HTR1F: variants seen among roughly 807,000 people sequenced by gnomAD.
HTR1F encodes 5-hydroxytryptamine receptor 1F, also known as 5-hydroxytryptamine (serotonin) receptor 1F, G protein-coupled.
In HTR1F, 17 loss-of-function variants were observed where a neutral mutation model predicts 24.0. The ratio of observed to expected loss-of-function variants is 0.71; its 90% CI spans 0.48 to 1.06. The LOEUF (loss-of-function observed/expected upper bound fraction) is 1.06, where lower values mean the gene tolerates loss of function less well. Ranked by LOEUF, HTR1F falls within the 50% of genes least tolerant of loss-of-function variation. HTR1F has a pLI of 0.00. For missense variants in HTR1F, 391 were observed against 427.8 expected, an observed-to-expected ratio of 0.91 and a Z score of 0.76; for synonymous variants, 186 against 156.8, an observed-to-expected ratio of 1.19 and a Z score of -1.39.
chr3:87,928,200 C>T (rs1454639780), intron 2 of HTR1F, among the ~76,000 whole-genome samples: 3 of 152,100 alleles, frequency 2.0e-5, no homozygotes, highest in Admixed American at 2.0e-4. Context: ...CATGCACCAC[C>T]ACACCTGGCT....
chr3:87,866,640 C>T (rs1244339371), intron 2 of HTR1F, among the ~76,000 whole-genome samples: 6 of 152,014 alleles, frequency 3.9e-5, no homozygotes, highest in Non-Finnish European at 8.8e-5. Flanking sequence ...ATTTTTCTCT[C>T]ATACTTGCAA....
chr3:87,814,706 G>A (rs1306243203), intron 1 of HTR1F, among the ~76,000 whole-genome samples: 1 of 152,088 alleles, frequency 6.6e-6, no homozygotes, highest in Non-Finnish European at 1.5e-5. Context: ...AATGTATGTG[G>A]TATATAAATA....
At chr3:87,980,998 G>C (rs931695075) in intron 2 of HTR1F, among the ~76,000 whole-genome samples, 26 of 151,966 alleles carry the variant, frequency 1.7e-4, no homozygotes, top group African/African-American at 6.3e-4. Context: ...GCTGCACCTG[G>C]GGGGGTGGGG....
intron 2 of HTR1F, among the ~76,000 whole-genome samples, chr3:87,950,187 A>T (rs1243526274): frequency 1.3e-5 from 2 of 152,194 alleles, no homozygotes; most frequent in African/African-American, 4.8e-5. Context: ...AGCAATTTAT[A>T]AGAGATCTGC....
chr3:87,801,271 T>C (rs749856463), intron 1 of HTR1F, among the ~76,000 whole-genome samples: 7 of 152,238 alleles, frequency 4.6e-5, no homozygotes, highest in Non-Finnish European at 8.8e-5. Context: ...TTTCTTTTTG[T>C]ATTATCTCCT....
chr3:87,840,359 A>T (rs1704775229), intron 2 of HTR1F, among the ~76,000 whole-genome samples: 1 of 152,180 alleles, frequency 6.6e-6, no homozygotes, highest in African/African-American at 2.4e-5. Flanking sequence ...GAGAAATGCA[A>T]ATTAAAAATA....
Position 87,991,361 on chromosome 3 carries a change from A to G in HTR1F, c.612A>G (p.Ile204Met). The change falls in exon 3 of 3, where the codon ATA becomes ATG. Residue 204 changes from isoleucine to methionine, a missense_variant. Physicochemically the swap from Ile to Met is conservative, Grantham distance 10 (BLOSUM62 1). Coordinates refer to ENST00000319595, the MANE Select transcript of HTR1F (RefSeq NM_001322209.2). Reference protein sequence around the residue: ...LALILILYYKIYRAAKTLYHK... With the variant: ...LALILILYYKMYRAAKTLYHK... ...TGATTTTGATCCTTTACTACAAAAT[A>G]TATAGAGCAGCAAAGACATTATACC... 6.2e-7 allele frequency: 1 copy of G among 1,613,984 alleles called. No individual in the cohort carries two copies. The highest frequency in any genetic ancestry group is 8.5e-7 in the Non-Finnish European group (1 of 1,180,006).
At chr3:87,819,716 T>C (rs1193293751) in intron 1 of HTR1F, among the ~76,000 whole-genome samples, 1 of 152,084 alleles carries the variant, frequency 6.6e-6, no homozygotes, top group Non-Finnish European at 1.5e-5. Context: ...CATGCCAATA[T>C]ATAAGGTTAT....
intron 1 of HTR1F, among the ~76,000 whole-genome samples, chr3:87,794,897 T>TTTTTCCTGTTGCTCTGGTCATAAATCTAG (rs1703877933): frequency 1.3e-5 from 2 of 151,940 alleles, no homozygotes; most frequent in Non-Finnish European, 2.9e-5. Flanking sequence ...ATTAAAATTA[T>TTTTTCCTGTTGCTCTGGTCATAAATCTAG]ACACATACTT....
chr3:87,837,805 G>T (rs1160305100), intron 2 of HTR1F, among the ~76,000 whole-genome samples: 1 of 151,868 alleles, frequency 6.6e-6, no homozygotes, highest in East Asian at 1.9e-4. Flanking sequence ...GCATTAAGTG[G>T]CATTGAATGT....
chr3:87,956,042 C>G (rs1342191954), intron 2 of HTR1F, among the ~76,000 whole-genome samples: 1 of 151,290 alleles, frequency 6.6e-6, no homozygotes, highest in Non-Finnish European at 1.5e-5. Context: ...AAATCAGAAG[C>G]TTTATTACAC....
At chr3:87,956,699 T>A (rs1704951328) in intron 2 of HTR1F, among the ~76,000 whole-genome samples, 1 of 151,532 alleles carries the variant, frequency 6.6e-6, no homozygotes, top group South Asian at 2.1e-4. Flanking sequence ...GGTTTGTATA[T>A]CTTTGAAAAA....
chr3:87,827,627 T>C (rs1334398782), intron 2 of HTR1F, among the ~76,000 whole-genome samples: 1 of 152,204 alleles, frequency 6.6e-6, no homozygotes, highest in Non-Finnish European at 1.5e-5. Context: ...TTTGAAAAAT[T>C]AATCATATTT....
intron 1 of HTR1F, among the ~76,000 whole-genome samples, chr3:87,820,765 G>A (rs1302899603): frequency 6.6e-6 from 1 of 151,994 alleles, no homozygotes; most frequent in Non-Finnish European, 1.5e-5. Context: ...TCTTAATGGG[G>A]AAGGAATAAA....
intron 1 of HTR1F, among the ~76,000 whole-genome samples, chr3:87,808,801 C>T (rs532936200): frequency 1.1e-4 from 16 of 151,718 alleles, no homozygotes; most frequent in African/African-American, 2.2e-4. Context: ...GATTTTGATA[C>T]GTTGTGTTTG....
intron 2 of HTR1F, among the ~76,000 whole-genome samples, chr3:87,974,406 A>G (rs1036095665): frequency 6.6e-6 from 1 of 152,108 alleles, no homozygotes; most frequent in Non-Finnish European, 1.5e-5. Context: ...TAATGAGTCT[A>G]TTTCCGAGTG....
chr3:87,896,269 C>T (rs576522297), intron 2 of HTR1F, among the ~76,000 whole-genome samples: 1 of 152,304 alleles, frequency 6.6e-6, no homozygotes, highest in Admixed American at 6.5e-5. Flanking sequence ...GCCTGGGCCT[C>T]CTTCTGAAGA....
At chr3:87,971,264 A>G (rs1202196757) in intron 2 of HTR1F, among the ~76,000 whole-genome samples, 2 of 151,944 alleles carry the variant, frequency 1.3e-5, no homozygotes, top group East Asian at 3.9e-4. Context: ...TCAGTCTTTT[A>G]TTTTTTTTAA....
chr3:87,832,637 C>G (rs1704606744), intron 2 of HTR1F, among the ~76,000 whole-genome samples: 1 of 152,116 alleles, frequency 6.6e-6, no homozygotes, highest in Non-Finnish European at 1.5e-5. Context: ...CAGAATACCC[C>G]TTCTTGTAAG....
Sources: gnomAD v4.1 joint callset for allele counts (sites outside exome capture counted in the v4.1 genomes callset) on GRCh38, gnomAD v4.1.1 for gene constraint, MANE v1.5 for transcripts, NCBI Gene and HGNC (gene_info 2026-07-23, HGNC 2026-07-21) for gene names.